RASEF: variants seen among roughly 807,000 people sequenced by gnomAD.
The protein encoded by RASEF is RAS and EF-hand domain containing.
Under a neutral mutation model 90.1 loss-of-function variants are expected in RASEF, and 68 were observed. The observed-to-expected ratio is 0.75, with a 90% CI of 0.62 to 0.92. RASEF has a LOEUF of 0.92. RASEF is among the 40% of genes least tolerant of loss of function. RASEF has a pLI of 0.00. For synonymous variants in RASEF, 331 were observed against 345.2 expected (o/e 0.96, Z 0.46); for missense variants, 949 against 937.2 (o/e 1.01, Z -0.16).
rs184955972 is a variant in RASEF, at chr9:83,039,888, T to C, written c.432-13967A>G. ...AAGGCCCCTTTATCTTGTTCCATGA[T>C]ATGGTTTGGCTCTGTCCCCAGCCAA... On this transcript the variant is annotated intron_variant, in intron 1 of 16. Transcript: ENST00000376447. Among the ~76,000 whole-genome samples, 157 of 152,292 alleles carry C rather than the reference T, an allele frequency of 1.0e-3. 1 individual carries two copies. The highest frequency in any genetic ancestry group is 3.3e-3 in the African/African-American group (139 of 41,570).
chr9:83,064,090 ATTAC>A (rs1327141007), upstream of RASEF, among the ~76,000 whole-genome samples: 1 of 152,036 alleles, frequency 6.6e-6, no homozygotes, highest in African/African-American at 2.4e-5. Context: ...TTTATCGTTT[ATTAC>A]TTTGATTTTT....
At chr9:83,191,295 G>A in the RASEF span, among the ~76,000 whole-genome samples, 1 of 152,152 alleles carries the variant, frequency 6.6e-6, no homozygotes. Flanking sequence ...CTCCAGAAAA[G>A]ATCATGGCCT....
chr9:83,031,335 G>C (rs770747699), intron 1 of RASEF, among the ~76,000 whole-genome samples: 41 of 152,078 alleles, frequency 2.7e-4, no homozygotes, highest in Admixed American at 6.5e-4. Context: ...TTTTTTAGAA[G>C]GGAACAAAAG....
At chr9:83,183,935 CT>C in the RASEF span, among the ~76,000 whole-genome samples, 1 of 152,180 alleles carries the variant, frequency 6.6e-6, no homozygotes, top group African/African-American at 2.4e-5. Context: ...TTTGTTAAAA[CT>C]CAGATGGCCA....
chr9:83,033,452 G>C (rs758388505), intron 1 of RASEF, among the ~76,000 whole-genome samples: 1 of 152,156 alleles, frequency 6.6e-6, no homozygotes, highest in Non-Finnish European at 1.5e-5. Flanking sequence ...GGTGCAATAG[G>C]GGGTGGTCTC....
the RASEF span, among the ~76,000 whole-genome samples, chr9:83,192,006 TA>T: frequency 6.6e-6 from 1 of 152,170 alleles, no homozygotes; most frequent in Non-Finnish European, 1.5e-5. Context: ...CACAATGAGA[TA>T]CCATCTCACA....
the RASEF span, among the ~76,000 whole-genome samples, chr9:83,112,867 C>T: frequency 6.6e-6 from 1 of 151,574 alleles, no homozygotes; most frequent in Admixed American, 6.6e-5. Context: ...AGAGAAAAGA[C>T]AATGGAGATA....
chr9:83,021,365 G>A (rs1471975867), intron 3 of RASEF, among the ~76,000 whole-genome samples: 1 of 152,162 alleles, frequency 6.6e-6, no homozygotes, highest in East Asian at 1.9e-4. Flanking sequence ...ACATTATTTT[G>A]CTGCCACTCA....
At chr9:83,022,550 A>G (rs1829463536) in intron 2 of RASEF, 124 bp from the exon 3 acceptor site, 4 of 670,538 alleles carry the variant, frequency 6.0e-6, no homozygotes, top group Admixed American at 2.7e-5. Context: ...CCCATTCAAA[A>G]TGATTTCCCA....
At chr9:83,148,547 G>C in the RASEF span, among the ~76,000 whole-genome samples, 2 of 152,144 alleles carry the variant, frequency 1.3e-5, no homozygotes, top group Admixed American at 6.5e-5. Flanking sequence ...CCCTCTCACA[G>C]CCCTCAGAAG....
At chr9:83,104,608 G>T in the RASEF span, among the ~76,000 whole-genome samples, 1 of 151,798 alleles carries the variant, frequency 6.6e-6, no homozygotes, top group Admixed American at 6.6e-5. Context: ...GAACTACAAA[G>T]AATGATTTCC....
intron 16 of RASEF, among the ~76,000 whole-genome samples, chr9:82,985,096 A>T (rs967728088): frequency 6.6e-6 from 1 of 152,220 alleles, no homozygotes; most frequent in Non-Finnish European, 1.5e-5. Context: ...TCTACAGATT[A>T]TCATTCATTT....
At chr9:83,217,338 CT>C in the RASEF span, among the ~76,000 whole-genome samples, 12 of 152,204 alleles carry the variant, frequency 7.9e-5, no homozygotes, top group Middle Eastern at 3.4e-3. Flanking sequence ...CTTTGGGAGA[CT>C]GTTGGGAAGG....
the RASEF span, among the ~76,000 whole-genome samples, chr9:83,131,013 GTGTGATGTTTCTGTAACACT>G: frequency 6.6e-6 from 1 of 152,206 alleles, no homozygotes; most frequent in Non-Finnish European, 1.5e-5. Context: ...CTAGCTAGCA[GTGTGATGTTTCTGTAACACT>G]CTACTTCTAG....
At chr9:83,209,325 G>A in the RASEF span, among the ~76,000 whole-genome samples, 7 of 152,232 alleles carry the variant, frequency 4.6e-5, no homozygotes, top group Admixed American at 6.5e-5. Context: ...CACTTGGCTC[G>A]TGAGAGCTTT....
the RASEF span, among the ~76,000 whole-genome samples, chr9:83,125,336 C>G: frequency 6.6e-6 from 1 of 152,172 alleles, no homozygotes; most frequent in Non-Finnish European, 1.5e-5. Context: ...CCAGAAAGAT[C>G]ACAGCCCTGT....
intron 15 of RASEF, among the ~76,000 whole-genome samples, chr9:82,992,602 G>C (rs1828835437): frequency 1.3e-5 from 2 of 152,150 alleles, no homozygotes; most frequent in Admixed American, 1.3e-4. Context: ...GACTAGAGAA[G>C]GTTTCTAGGA....
At chr9:83,107,028 C>T in the RASEF span, among the ~76,000 whole-genome samples, 1 of 152,168 alleles carries the variant, frequency 6.6e-6, no homozygotes, top group East Asian at 1.9e-4. Context: ...TGAGCAGCAA[C>T]TTGTTACACT....
intron 1 of RASEF, among the ~76,000 whole-genome samples, chr9:83,035,299 G>A (rs752860896): frequency 3.3e-5 from 5 of 152,188 alleles, no homozygotes; most frequent in African/African-American, 4.8e-5. Context: ...AAATGAATAA[G>A]TTTGGCTGTG....
Sources: gnomAD v4.1 joint callset for allele counts (sites outside exome capture counted in the v4.1 genomes callset) on GRCh38, gnomAD v4.1.1 for gene constraint, MANE v1.5 for transcripts, NCBI Gene and HGNC (gene_info 2026-07-23, HGNC 2026-07-21) for gene names.